The following ZNF536 variants were observed in gnomAD, a reference collection of about 807,000 sequenced individuals.
The protein encoded by ZNF536 is zinc finger protein 536.
Under a neutral mutation model 84.5 loss-of-function variants are expected in ZNF536, and 13 were observed. The observed-to-expected ratio is 0.15, with a 90% confidence interval of 0.10 to 0.24. The LOEUF (loss-of-function observed/expected upper bound fraction) is 0.24. Ranked by LOEUF, ZNF536 falls within the 10% of genes least tolerant of loss-of-function variation. The probability of loss-of-function intolerance (pLI) is 1.00; values close to 1 mark genes in which losing one functional copy is unlikely to be tolerated. For synonymous variants in ZNF536, 811 were observed against 742.5 expected (o/e 1.09, Z -1.50); for missense variants, 1,536 against 1,747.5 (o/e 0.88, Z 2.16).
At chr19:30,271,559 C>A (rs1016294853) in intron 1 of ZNF536, among the ~76,000 whole-genome samples, 1 of 152,044 alleles carries the variant, frequency 6.6e-6, no homozygotes, top group South Asian at 2.1e-4. Flanking sequence ...GCCCAGATAG[C>A]GAAATGAGCA....
chr19:30,323,254 C>T (rs4805545), intron 2 of ZNF536, among the ~76,000 whole-genome samples: 31,813 of 152,050 alleles, frequency 0.21, 4,382 homozygotes, highest in East Asian at 0.44. Context: ...GTGGCAGAAA[C>T]GAAATGCCTC....
intron 1 of ZNF536, among the ~76,000 whole-genome samples, chr19:30,635,071 T>G (rs979384787): frequency 6.8e-6 from 1 of 147,598 alleles, no homozygotes; most frequent in Non-Finnish European, 1.5e-5. Flanking sequence ...AAGCTGGGTG[T>G]GTGTGTGTGT....
chr19:30,426,727 C>T (rs2147921252), intron 1 of ZNF536, among the ~76,000 whole-genome samples: 1 of 152,252 alleles, frequency 6.6e-6, no homozygotes, highest in South Asian at 2.1e-4. Context: ...TTCCTATACA[C>T]AGGACATGAT....
At chr19:30,475,341 C>T (rs551527781) in intron 2 of ZNF536, among the ~76,000 whole-genome samples, 7 of 152,238 alleles carry the variant, frequency 4.6e-5, no homozygotes, top group East Asian at 1.9e-4. Flanking sequence ...TGGTGGCTCA[C>T]GTCTATAATC....
intron 2 of ZNF536, among the ~76,000 whole-genome samples, chr19:30,348,332 C>T (rs1368781454): frequency 6.6e-6 from 1 of 152,180 alleles, no homozygotes; most frequent in African/African-American, 2.4e-5. Flanking sequence ...TGCAGAGGCT[C>T]ACTAAGTTGA....
chr19:30,412,816 T>A (rs1175577897), intron 1 of ZNF536, among the ~76,000 whole-genome samples: 1 of 152,046 alleles, frequency 6.6e-6, no homozygotes, highest in East Asian at 1.9e-4. Context: ...ACAGAGACGA[T>A]CTGTTTCTTT....
intron 1 of ZNF536, among the ~76,000 whole-genome samples, chr19:30,381,008 C>G (rs573180831): frequency 2.6e-5 from 4 of 152,236 alleles, no homozygotes; most frequent in African/African-American, 9.6e-5. Flanking sequence ...TCCTGAGTAG[C>G]TGGGACTGCA....
intron 1 of ZNF536, among the ~76,000 whole-genome samples, chr19:30,393,119 C>T (rs1189281264): frequency 1.3e-5 from 2 of 152,178 alleles, no homozygotes; most frequent in Non-Finnish European, 2.9e-5. Context: ...CAAGAACAAT[C>T]CCCTGTATCA....
chr19:30,284,568 C>T (rs550213900), intron 2 of ZNF536, among the ~76,000 whole-genome samples: 169 of 152,360 alleles, frequency 1.1e-3, no homozygotes, highest in African/African-American at 4.0e-3. Context: ...AAATCCTGTC[C>T]CAAAGCTGCT....
At chr19:30,492,094 G>A (rs893776160) in intron 2 of ZNF536, among the ~76,000 whole-genome samples, 4 of 151,758 alleles carry the variant, frequency 2.6e-5, no homozygotes, top group Admixed American at 1.3e-4. Flanking sequence ...TATTTTGGGT[G>A]AGGGTGGGGG....
intron 1 of ZNF536, among the ~76,000 whole-genome samples, chr19:30,393,644 G>A (rs976440751): frequency 3.3e-5 from 5 of 152,160 alleles, no homozygotes; most frequent in African/African-American, 9.7e-5. Context: ...TCAGGGAAGA[G>A]CGTTCCAGGC....
intron 1 of ZNF536, among the ~76,000 whole-genome samples, chr19:30,667,394 T>C (rs2050369250): frequency 6.6e-6 from 1 of 152,100 alleles, no homozygotes; most frequent in Non-Finnish European, 1.5e-5. Context: ...AGGGGGCACC[T>C]GCACCCTCCC....
chr19:30,378,640 C>A (rs2048904308), intron 1 of ZNF536, among the ~76,000 whole-genome samples: 1 of 152,220 alleles, frequency 6.6e-6, no homozygotes, highest in Admixed American at 6.5e-5. Context: ...GACCCAACTG[C>A]ATCTCCCTTG....
chr19:30,562,931 T>C (rs2146447416), downstream of ZNF536, among the ~76,000 whole-genome samples: 1 of 152,298 alleles, frequency 6.6e-6, no homozygotes, highest in East Asian at 1.9e-4. Flanking sequence ...GGAAAGCTTT[T>C]TGCTTTCAAT....
rs1178894448 is a variant in ZNF536 at position 30,599,007 on chromosome 19, CCCTCTTCCTT to C, written c.169+49498_169+49507del. Among the ~76,000 whole-genome samples the C allele has an allele frequency of 1.2e-3, 122 of 98,044 alleles. 1 individual carries two copies. In the East Asian group the frequency reaches 0.036, roughly 29 times the overall value. 64.3% of individuals were successfully genotyped at this position (98,044 alleles called of 152,430 possible). Reference sequence around the variant, plus strand: ...TCCCTTCCTTCCTCCCTTCCTCCTTCCCTCTTCCTTCCTCCCTCCCTCCCTCCCTTCCTTC... The same window carrying C: ...TCCCTTCCTTCCTCCCTTCCTCCTTCCCTCCCTCCCTCCCTCCCTTCCTTC... On this transcript the variant is annotated intron_variant, in intron 1 of 1. Transcript: ENST00000592773.
chr19:30,331,380 A>C (rs2047207224), intron 2 of ZNF536, among the ~76,000 whole-genome samples: 1 of 149,588 alleles, frequency 6.7e-6, no homozygotes, highest in Admixed American at 6.7e-5. Flanking sequence ...ACTGAATACT[A>C]TAAATCTTAG....
intron 2 of ZNF536, among the ~76,000 whole-genome samples, chr19:30,292,219 A>T (rs1781760492): frequency 6.6e-6 from 1 of 152,218 alleles, no homozygotes; most frequent in Non-Finnish European, 1.5e-5. Context: ...ATGTTACCTA[A>T]CCAGGACACA....
chr19:30,337,407 C>A (rs1398579382), intron 2 of ZNF536, among the ~76,000 whole-genome samples: 1 of 152,190 alleles, frequency 6.6e-6, no homozygotes, highest in Non-Finnish European at 1.5e-5. Context: ...CCTTTCCTGG[C>A]CACCTTCCCT....
At chr19:30,473,019 C>T (rs371257117) in intron 2 of ZNF536, among the ~76,000 whole-genome samples, 4 of 142,940 alleles carry the variant, frequency 2.8e-5, no homozygotes, top group African/African-American at 1.1e-4. Flanking sequence ...TGGTGTAAAC[C>T]GATCTCTACT....
Sources: gnomAD v4.1 joint callset for allele counts (sites outside exome capture counted in the v4.1 genomes callset) on GRCh38, gnomAD v4.1.1 for gene constraint, MANE v1.5 for transcripts, NCBI Gene and HGNC (gene_info 2026-07-23, HGNC 2026-07-21) for gene names.